Variants in SHANK1 observed in about 807,000 individuals in gnomAD.
SHANK1 encodes SH3 and multiple ankyrin repeat domains protein 1.
SHANK1 carries 35 observed loss-of-function variants against 165.6 expected under a neutral mutation model. The ratio of observed to expected loss-of-function variants is 0.21; its 90% confidence interval spans 0.16 to 0.28. The LOEUF is 0.28. Among genes scored for constraint, SHANK1 ranks in the 10% least tolerant of loss-of-function variants. SHANK1 has a pLI of 1.00. For synonymous variants in SHANK1, 1,428 were observed against 1,384.8 expected, an observed-to-expected ratio of 1.03 and a Z score of -0.69; for missense variants, 2,681 against 3,036.4, an observed-to-expected ratio of 0.88 and a Z score of 2.75.
In SHANK1 at chr19:50,662,605, A is replaced by G. The variant is rs1043029633; in HGVS notation, c.5846T>C (p.Leu1949Pro). Reference sequence around the variant, plus strand: ...CCCTGTTCCGGTGGGGAGTGGCGGCAGAGGTGGTTTGGGCCAGTTCTGAAA... The same window carrying G: ...CCCTGTTCCGGTGGGGAGTGGCGGCGGAGGTGGTTTGGGCCAGTTCTGAAA... ...SLFQNWPKPPLPPLPTGTGVS... is the reference protein window; with the variant it reads ...SLFQNWPKPPPPPLPTGTGVS... The change falls in exon 24 of 24, where the codon CTG becomes CCG. Residue 1949 changes from leucine to proline, a missense_variant. Leu to Pro is a moderately conservative substitution (Grantham distance 98). Around this residue, in one of 10 missense-constraint regions of SHANK1, gnomAD observed 1,713 missense variants for 1,630.2 expected, o/e 1.05. Coordinates refer to ENST00000293441, the MANE Select transcript of SHANK1 (RefSeq NM_016148.5). This position sits in a 1 kb window ranked among gnomAD's most constrained non-coding sequence, Gnocchi z 7.7. 2.2e-5 allele frequency: 35 copies of G among 1,564,438 alleles called. No homozygotes were observed. Among genetic ancestry groups the G allele is most frequent in the Non-Finnish European group, 3.0e-5 (35 of 1,154,518 alleles).
intron 23 of SHANK1, among the ~76,000 whole-genome samples, chr19:50,664,122 C>T (rs73932549): frequency 7.3e-6 from 1 of 136,640 alleles, no homozygotes; most frequent in Non-Finnish European, 1.6e-5. Context: ...TCTTTTCTTT[C>T]TTTTTTTTTT....
intron 15 of SHANK1, among the ~76,000 whole-genome samples, chr19:50,694,549 G>T (rs1475981477): frequency 7.5e-6 from 1 of 133,152 alleles, no homozygotes; most frequent in East Asian, 2.4e-4. Flanking sequence ...CCTGGAGGGG[G>T]GTCGGTTTAG....
Position 50,686,203 on chromosome 19 carries a change from C to A in SHANK1, c.2577+34G>T, listed in dbSNP as rs775243990. ...CAGGTTGGTGTGTGAACCGCCTCCC[C>A]CCTGGCAGTTCCTCCCCACACCAGG... On this transcript the variant is annotated intron_variant, in intron 21 of 23. Coordinates refer to ENST00000293441, the MANE Select transcript of SHANK1 (RefSeq NM_016148.5). This position sits in a 1 kb window ranked among gnomAD's most constrained non-coding sequence, Gnocchi z 5.7. The A allele has an allele frequency of 1.5e-6, 2 of 1,304,068 alleles. No individual in the cohort carries two copies. The highest frequency in any genetic ancestry group is 2.0e-5 in the Admixed American group (1 of 50,000). The allele number at this position is 1,304,068 out of a possible 1,614,324, so 80.8% of individuals were successfully genotyped here. A position where few individuals can be genotyped will look rare whatever the true frequency, so the allele number is the denominator to read the frequency against.
At chr19:50,665,618 G>C (rs889669976) in intron 23 of SHANK1, among the ~76,000 whole-genome samples, 5 of 146,392 alleles carry the variant, frequency 3.4e-5, no homozygotes, top group Non-Finnish European at 7.5e-5. Context: ...AATTGGCCAG[G>C]CATAGTGGCG....
At chr19:50,706,727 T>TA (rs34942540) in intron 8 of SHANK1, among the ~76,000 whole-genome samples, 100 of 148,114 alleles carry the variant, frequency 6.8e-4, no homozygotes, top group African/African-American at 1.6e-3. Context: ...CCATCCTGTC[T>TA]AAAAAAAAAA....
intron 8 of SHANK1, among the ~76,000 whole-genome samples, chr19:50,706,462 G>A (rs1176138767): frequency 6.6e-6 from 1 of 151,950 alleles, no homozygotes; most frequent in Admixed American, 6.6e-5. Flanking sequence ...GGTTAGCTGA[G>A]CTAACCTGAG....
intron 9 of SHANK1, 93 bp from the exon 10 acceptor site, chr19:50,704,279 C>G: frequency 7.2e-7 from 1 of 1,396,226 alleles, no homozygotes; most frequent in Non-Finnish European, 1.0e-6. Flanking sequence ...CCGACCCAAA[C>G]CTTCCACTCC....
chr19:50,686,863 G>A lies in SHANK1; in HGVS notation c.2390-51C>T. 1.2e-6 allele frequency: 2 copies of A among 1,605,656 alleles called. No individual in the cohort carries two copies. The highest frequency in any genetic ancestry group is 1.7e-5 in the Admixed American group (1 of 59,734). On this transcript the variant is annotated intron_variant, in intron 19 of 23. Coordinates refer to ENST00000293441, the MANE Select transcript of SHANK1 (RefSeq NM_016148.5). This position sits in a 1 kb window ranked among gnomAD's most constrained non-coding sequence, Gnocchi z 5.7. ...CCCAGGGAGCCCCCGGGGGCGGGGC[G>A]GAGCGGGCTCGGCCTGTGGGCGTGG...
At chr19:50,672,590 G>T (rs1398944034) in intron 21 of SHANK1, among the ~76,000 whole-genome samples, 1 of 143,732 alleles carries the variant, frequency 7.0e-6, no homozygotes, top group Admixed American at 6.8e-5. Context: ...AGAAAAGAAG[G>T]CGAAAGGGAA....
chr19:50,665,449 C>T (rs1218924490), intron 23 of SHANK1, among the ~76,000 whole-genome samples: 4 of 150,808 alleles, frequency 2.7e-5, no homozygotes, highest in South Asian at 2.1e-4. Context: ...CACCTGTAAT[C>T]GCAGCTACTC....
intron 21 of SHANK1, among the ~76,000 whole-genome samples, chr19:50,682,510 T>C (rs1986211004): frequency 6.6e-6 from 1 of 152,170 alleles, no homozygotes; most frequent in South Asian, 2.1e-4. Flanking sequence ...TTAAGTAACA[T>C]GGTCCAAGGT....
intron 21 of SHANK1, among the ~76,000 whole-genome samples, chr19:50,675,290 T>C (rs1010013146): frequency 1.3e-5 from 2 of 152,180 alleles, no homozygotes; most frequent in Non-Finnish European, 1.5e-5. Flanking sequence ...TTAAAATTAA[T>C]TTGTAAAATT....
Position 50,660,398 on chromosome 19 carries a change from A to T in SHANK1, c.*1567T>A, listed in dbSNP as rs535045855. 1.3e-5 allele frequency among the ~76,000 whole-genome samples: 2 copies of T among 152,072 alleles called. No homozygotes were observed. Among genetic ancestry groups the T allele is most frequent in the Non-Finnish European group, 2.9e-5 (2 of 67,958 alleles). The stretch of plus-strand genomic sequence containing the variant: ...AGGGCTGGAGGCAGGGAGAGGCTCG[A>T]GTGTGGAAGCATGGTGAGCAGGAAG... On this transcript the variant is annotated 3_prime_UTR_variant, in exon 24 of 24. Coordinates refer to ENST00000293441, the MANE Select transcript of SHANK1 (RefSeq NM_016148.5).
At chr19:50,683,039 C>T (rs535980554) in intron 21 of SHANK1, among the ~76,000 whole-genome samples, 6 of 152,198 alleles carry the variant, frequency 3.9e-5, no homozygotes, top group African/African-American at 1.4e-4. Context: ...GCCATGTTGC[C>T]CACTCTGGTC....
Position 50,669,183 on chromosome 19 carries a change from G to C in SHANK1, c.2777C>G (p.Thr926Arg). 6.2e-7 allele frequency: 1 copy of C among 1,604,134 alleles called. No homozygotes were observed. The highest frequency in any genetic ancestry group is 1.1e-5 in the South Asian group (1 of 89,724). The change falls in exon 23 of 24, where the codon ACG becomes AGG. Residue 926 changes from threonine (T) to arginine (R), a missense_variant. By Grantham distance (71) the Thr-to-Arg change is moderately conservative. This residue lies in a region of SHANK1 where 10 missense variants were observed against 28.9 expected (regional missense o/e 0.35). Transcript: ENST00000293441. ...GCTGTAGGGAGGCTCCGGTGGGGAC[G>C]TGGTGGGTGGCGGGGGAATGTCCTC... ...GSEDIPPPPT[T>R]SPPEPPYSTP...
In SHANK1 at chr19:50,687,641, A is replaced by G; in HGVS notation, c.2330T>C (p.Leu777Pro). 1 of 1,516,330 alleles carries G rather than the reference A, an allele frequency of 6.6e-7. No homozygotes were observed. Among genetic ancestry groups the G allele is most frequent in the Non-Finnish European group, 8.8e-7 (1 of 1,132,292 alleles). The allele number at this position is 1,516,330 out of a possible 1,614,324, so 93.9% of individuals were successfully genotyped here. A position where few individuals can be genotyped will look rare whatever the true frequency, so the allele number is the denominator to read the frequency against. The change falls in exon 19 of 24, where the codon CTG becomes CCG. Residue 777 changes from leucine to proline, a missense_variant. Leu to Pro is a moderately conservative substitution (Grantham distance 98). Around this residue, in one of 10 missense-constraint regions of SHANK1, gnomAD observed 206 missense variants for 216.0 expected, o/e 0.95. Transcript: ENST00000293441. ...ACGCAGGGAGATGGTTGGGGGCGGC[A>G]GCCGCTTGGCCTGCTGGGGTGCTGA... The part of the protein sequence containing the change: ...HKKAPQQAKR[L>P]PPPTISLRSK...
At chr19:50,710,005 C>A (rs1475830656) in intron 8 of SHANK1, among the ~76,000 whole-genome samples, 2 of 152,146 alleles carry the variant, frequency 1.3e-5, no homozygotes, top group Non-Finnish European at 2.9e-5. Flanking sequence ...GATGGCTCAC[C>A]CTCGTCAATA....
chr19:50,693,025 C>A (rs1219349185), intron 15 of SHANK1, among the ~76,000 whole-genome samples: 1 of 151,566 alleles, frequency 6.6e-6, no homozygotes, highest in Admixed American at 6.6e-5. Flanking sequence ...CACTGGCTCC[C>A]CTAAAGTACC....
chr19:50,671,007 T>C (rs1985771168), intron 22 of SHANK1, among the ~76,000 whole-genome samples: 1 of 151,770 alleles, frequency 6.6e-6, no homozygotes, highest in Non-Finnish European at 1.5e-5. Flanking sequence ...TTGGTCAGGC[T>C]GGTCTTGAAC....
Sources: gnomAD v4.1 joint callset for allele counts (sites outside exome capture counted in the v4.1 genomes callset) on GRCh38, gnomAD v4.1.1 for gene constraint, gnomAD v4.1.1 regional missense constraint, Gnocchi (gnomAD v3.1) non-coding constraint, MANE v1.5 for transcripts, NCBI Gene and HGNC (gene_info 2026-07-23, HGNC 2026-07-21) for gene names.